PLEKHM2: variants seen among roughly 807,000 people sequenced by gnomAD.
PLEKHM2 encodes the protein pleckstrin homology and RUN domain containing M2.
Under a neutral mutation model 116.3 loss-of-function variants are expected in PLEKHM2, and 77 were observed. That is an observed-to-expected ratio of 0.66 (90% CI 0.55 to 0.80). PLEKHM2 has a LOEUF of 0.80. Among genes scored for constraint, PLEKHM2 ranks in the 30% least tolerant of loss-of-function variants. The probability of loss-of-function intolerance (pLI) is 0.00; values close to 1 mark genes in which losing one functional copy is unlikely to be tolerated. For missense variants in PLEKHM2, 1,183 were observed against 1,354.9 expected, an observed-to-expected ratio of 0.87 and a Z score of 1.99; for synonymous variants, 562 against 571.0, an observed-to-expected ratio of 0.98 and a Z score of 0.22.
In PLEKHM2 at chr1:15,727,968, C is replaced by G; in HGVS notation, c.1761-111C>G. ...AAGGGGTGTGAGCCTCCCTCCCTAA[C>G]TTTGGCTCCTAGTGGGAGGCGGAGG... On this transcript the variant is annotated intron_variant, in intron 9 of 19. Transcript: ENST00000375799. This position sits in a 1 kb window ranked among gnomAD's most constrained non-coding sequence, Gnocchi z 7.5. The G allele has an allele frequency of 8.3e-7, 1 of 1,210,570 alleles. No homozygotes were observed. The highest frequency in any genetic ancestry group is 1.2e-6 in the Non-Finnish European group (1 of 838,642). The allele number at this position is 1,210,570 out of a possible 1,614,324, so 75.0% of individuals were successfully genotyped here. A position where few individuals can be genotyped will look rare whatever the true frequency, so the allele number is the denominator to read the frequency against.
intron 1 of PLEKHM2, among the ~76,000 whole-genome samples, chr1:15,686,137 A>G (rs541966674): frequency 1.2e-4 from 19 of 152,346 alleles, no homozygotes; most frequent in African/African-American, 4.3e-4. Flanking sequence ...GCAGAGATTC[A>G]CTTTGTAAGT....
In PLEKHM2 at chr1:15,720,155, A is replaced by G. The variant is rs888590915; in HGVS notation, c.652+235A>G. Among the ~76,000 whole-genome samples, 81 of 147,868 alleles carry G rather than the reference A, an allele frequency of 5.5e-4. 1 individual carries two copies. The highest frequency in any genetic ancestry group is 1.9e-3 in the African/African-American group (76 of 40,624). ...ATATATATATATATATATATAAAAT[A>G]TATATTTTTTAAGGTTAGACCCTTT... On this transcript the variant is annotated intron_variant, in intron 6 of 19. Coordinates refer to ENST00000375799, the MANE Select transcript of PLEKHM2 (RefSeq NM_015164.4).
intron 1 of PLEKHM2, among the ~76,000 whole-genome samples, chr1:15,695,982 T>A (rs973351997): frequency 0.027 from 35 of 1,312 alleles, no homozygotes; most frequent in Middle Eastern, 0.17. Flanking sequence ...TTTTCTATAT[T>A]TTTTTTTTTT....
intron 19 of PLEKHM2, 23 bp from the exon 20 acceptor site, chr1:15,733,774 G>A (rs772109233): frequency 3.1e-6 from 5 of 1,610,526 alleles, no homozygotes; most frequent in Non-Finnish European, 4.2e-6. Flanking sequence ...GCCCTCATCT[G>A]TTCTCTGCAC....
intron 3 of PLEKHM2, 60 bp downstream of exon 3, chr1:15,716,876 G>A: frequency 2.6e-6 from 4 of 1,543,342 alleles, no homozygotes. Context: ...TGGGTAGCTT[G>A]GGGCTCTGTC....
At chr1:15,705,342 C>T (rs960937228) in intron 1 of PLEKHM2, among the ~76,000 whole-genome samples, 3 of 151,720 alleles carry the variant, frequency 2.0e-5, no homozygotes, top group South Asian at 2.1e-4. Context: ...CCATCATGTC[C>T]GACTAATTTT....
Position 15,728,188 on chromosome 1 carries a change from G to A in PLEKHM2, c.1830+40G>A, listed in dbSNP as rs779413068. 6.2e-7 allele frequency: 1 copy of A among 1,605,564 alleles called. No individual in the cohort carries two copies. The highest frequency in any genetic ancestry group is 8.5e-7 in the Non-Finnish European group (1 of 1,173,624). On this transcript the variant is annotated intron_variant, in intron 10 of 19. Coordinates refer to ENST00000375799, the MANE Select transcript of PLEKHM2 (RefSeq NM_015164.4). This position sits in a 1 kb window ranked among gnomAD's most constrained non-coding sequence, Gnocchi z 5.9. ...CTCAGGAGTGAGCAAGAGACGGCAA[G>A]GGCAAGGCGGGATGGGCCACCGCCC...
chr1:15,682,652 C>CAAA (rs146018151), upstream of PLEKHM2, among the ~76,000 whole-genome samples: 8 of 71,818 alleles, frequency 1.1e-4, no homozygotes, highest in African/African-American at 8.9e-4. Context: ...ACAAAAAAAA[C>CAAA]AAAAAACAAA....
At position 15,728,222 on chromosome 1, in the gene PLEKHM2, G is replaced by T; in HGVS notation, c.1831-45G>T. On this transcript the variant is annotated intron_variant, in intron 10 of 19. Coordinates refer to ENST00000375799, the MANE Select transcript of PLEKHM2 (RefSeq NM_015164.4). The surrounding 1 kb of genome is among the most constrained non-coding windows in gnomAD (Gnocchi z 5.9). Reference sequence around the variant, plus strand: ...GGGATGGGCCACCGCCCCCGCTGGAGCGGCAGGAGCCACCTGCCTGACCCT... The same window carrying T: ...GGGATGGGCCACCGCCCCCGCTGGATCGGCAGGAGCCACCTGCCTGACCCT... 6.2e-7 allele frequency: 1 copy of T among 1,601,364 alleles called. No homozygotes were observed.
In PLEKHM2 at chr1:15,716,320, C is replaced by A. The variant is rs1161584841; in HGVS notation, c.144C>A (p.His48Gln). 6.2e-7 allele frequency: 1 copy of A among 1,602,860 alleles called. No homozygotes were observed. The highest frequency in any genetic ancestry group is 8.5e-7 in the Non-Finnish European group (1 of 1,174,066). ...AGGTCCTACAGCGTCTGTGTGAGCA[C>A]CTGGACCACGCCCTGCTGTACGGGT... ...HDKVLQRLCE[H>Q]LDHALLYGLQ... Residue 48 changes from histidine (H) to glutamine (Q), a missense_variant, in exon 2 of 20, where the codon CAC (histidine) becomes CAA (glutamine). Transcript: ENST00000375799.
Position 15,710,606 on chromosome 1 carries a change from C to T in PLEKHM2, c.61-5631C>T, listed in dbSNP as rs565609400. Reference sequence around the variant, plus strand: ...CCTCCCAAGGTGCTGGGATTACAGGCGTAAGCCACTGCACCCAGCTACCAA... The same window carrying T: ...CCTCCCAAGGTGCTGGGATTACAGGTGTAAGCCACTGCACCCAGCTACCAA... On this transcript the variant is annotated intron_variant, in intron 1 of 19. Coordinates refer to ENST00000375799, the MANE Select transcript of PLEKHM2 (RefSeq NM_015164.4). Among the ~76,000 whole-genome samples, 25 of 152,148 alleles carry T rather than the reference C, an allele frequency of 1.6e-4. No individual in the cohort carries two copies. The South Asian group carries it at 4.4e-3, about 26-fold the overall frequency.
chr1:15,692,516 C>T (rs1571020286), intron 1 of PLEKHM2, among the ~76,000 whole-genome samples: 1 of 152,214 alleles, frequency 6.6e-6, no homozygotes, highest in Non-Finnish European at 1.5e-5. Context: ...ATCCTGACCC[C>T]ATGAGTAACT....
chr1:15,706,428 G>A (rs886186577), intron 1 of PLEKHM2, among the ~76,000 whole-genome samples: 1 of 152,066 alleles, frequency 6.6e-6, no homozygotes, highest in African/African-American at 2.4e-5. Context: ...TTTTTGAGTT[G>A]GAGTTTTGCT....
chr1:15,683,497 C>T (rs1312998938), upstream of PLEKHM2, among the ~76,000 whole-genome samples: 28 of 145,202 alleles, frequency 1.9e-4, no homozygotes, highest in African/African-American at 6.7e-4. Context: ...TGAGGAGGGC[C>T]GGGGTCTCAG....
At chr1:15,708,921 A>G (rs1641276068) in intron 1 of PLEKHM2, among the ~76,000 whole-genome samples, 2 of 152,226 alleles carry the variant, frequency 1.3e-5, no homozygotes, top group African/African-American at 4.8e-5. Context: ...TTTACGATGT[A>G]TCATGTACTT....
At chr1:15,691,882 G>C (rs1640894512) in intron 1 of PLEKHM2, among the ~76,000 whole-genome samples, 1 of 152,118 alleles carries the variant, frequency 6.6e-6, no homozygotes, top group Non-Finnish European at 1.5e-5. Context: ...GCTGAGGTGG[G>C]AGGATCACTT....
intron 1 of PLEKHM2, among the ~76,000 whole-genome samples, chr1:15,702,795 A>G (rs1360337163): frequency 7.4e-6 from 1 of 135,378 alleles, no homozygotes; most frequent in African/African-American, 2.9e-5. Context: ...ATCATGGCAC[A>G]TTGCAGCCTC....
chr1:15,689,206 T>C (rs1640837895), intron 1 of PLEKHM2, among the ~76,000 whole-genome samples: 1 of 148,162 alleles, frequency 6.7e-6, no homozygotes, highest in Non-Finnish European at 1.5e-5. Flanking sequence ...TGTGGCACCA[T>C]TGCACTCCAG....
chr1:15,714,035 G>A (rs894166156), intron 1 of PLEKHM2, among the ~76,000 whole-genome samples: 1 of 150,544 alleles, frequency 6.6e-6, no homozygotes, highest in Admixed American at 6.7e-5. Context: ...TCTGCTTCCT[G>A]AGTTCAAGCA....
Sources: allele counts gnomAD v4.1 joint callset (sites outside exome capture counted in the v4.1 genomes callset), GRCh38; gene constraint gnomAD v4.1.1; non-coding constraint Gnocchi (gnomAD v3.1); transcripts MANE v1.5; gene names NCBI Gene and HGNC (gene_info 2026-07-23, HGNC 2026-07-21).